MBP: variants seen among roughly 807,000 people sequenced by gnomAD.
MBP encodes myelin basic protein, also known as Golli-MBP.
MBP carries 16 observed loss-of-function variants against 35.8 expected under a neutral mutation model. The ratio of observed to expected loss-of-function variants is 0.45; its 90% CI spans 0.30 to 0.68. The LOEUF (loss-of-function observed/expected upper bound fraction) is 0.68, where lower values mean the gene tolerates loss of function less well. MBP is among the 30% of genes least tolerant of loss of function. MBP has a pLI of 0.08. For missense variants in MBP, 380 were observed against 404.7 expected, an observed-to-expected ratio of 0.94 and a Z score of 0.52; for synonymous variants, 143 against 159.6, an observed-to-expected ratio of 0.90 and a Z score of 0.78.
chr18:77,056,732 CT>C (rs1313705375), intron 3 of MBP, among the ~76,000 whole-genome samples: 3 of 152,222 alleles, frequency 2.0e-5, no homozygotes, highest in Non-Finnish European at 4.4e-5. Flanking sequence ...GCCTGTCTCA[CT>C]CTCCCTGGGG....
intron 2 of MBP, among the ~76,000 whole-genome samples, chr18:77,089,970 T>A (rs1975435653): frequency 1.3e-5 from 2 of 152,128 alleles, no homozygotes; most frequent in Non-Finnish European, 2.9e-5. Context: ...CACTCACAGA[T>A]CAGACAGTAC....
At chr18:76,993,722 T>G (rs1970104125) in intron 4 of MBP, among the ~76,000 whole-genome samples, 1 of 152,154 alleles carries the variant, frequency 6.6e-6, no homozygotes, top group Non-Finnish European at 1.5e-5. Context: ...GCTCCCATAC[T>G]CTTCACAGAA....
At chr18:76,999,005 C>T (rs1412925436) in intron 4 of MBP, among the ~76,000 whole-genome samples, 2 of 146,078 alleles carry the variant, frequency 1.4e-5, no homozygotes, top group East Asian at 2.0e-4. Context: ...GGTTTAAGAG[C>T]AGTGTTTTGG....
intron 1 of MBP, among the ~76,000 whole-genome samples, chr18:77,120,725 C>A (rs561093277): frequency 6.6e-6 from 1 of 152,120 alleles, no homozygotes; most frequent in African/African-American, 2.4e-5. Context: ...CGTTACCGAC[C>A]TTTGGAGCTG....
intron 4 of MBP, chr18:77,009,812 C>T (rs1971231331): frequency 2.0e-6 from 3 of 1,526,546 alleles, no homozygotes; most frequent in Non-Finnish European, 2.6e-6. Flanking sequence ...GCAGGTCACC[C>T]CTGGCCCCGA....
At chr18:77,004,092 CT>C (rs1003721832) in intron 4 of MBP, 3 of 152,248 alleles carry the variant, frequency 2.0e-5, no homozygotes, top group Non-Finnish European at 4.4e-5. Flanking sequence ...ACACATCCGA[CT>C]GTAAATGGTG....
chr18:77,025,872 G>A (rs1291639042), intron 3 of MBP, among the ~76,000 whole-genome samples: 3 of 152,106 alleles, frequency 2.0e-5, no homozygotes, highest in Non-Finnish European at 4.4e-5. Context: ...AGGACGGACA[G>A]GCCGAGGTTC....
intron 3 of MBP, among the ~76,000 whole-genome samples, chr18:77,035,660 A>AG (rs35111199): frequency 2.8e-4 from 43 of 151,622 alleles, no homozygotes; most frequent in South Asian, 8.4e-4. Flanking sequence ...CTGCAGGTGA[A>AG]GGGGGGGGGA....
At chr18:77,130,776 C>T (rs1386573741) in intron 1 of MBP, among the ~76,000 whole-genome samples, 3 of 151,354 alleles carry the variant, frequency 2.0e-5, no homozygotes, top group Admixed American at 6.6e-5. Flanking sequence ...TCAAACCCGA[C>T]GTTTTAAATC....
chr18:77,019,060 CCATCCATCCATCCATCCATCCATT>C (rs1394145930), intron 3 of MBP, among the ~76,000 whole-genome samples: 3 of 151,550 alleles, frequency 2.0e-5, no homozygotes, highest in Non-Finnish European at 4.4e-5. Context: ...ATCCATCCAT[CCATCCATCCATCCATCCATCCATT>C]ATTTATGAGT....
At chr18:76,998,640 G>A (rs1447550302) in intron 4 of MBP, among the ~76,000 whole-genome samples, 1 of 152,204 alleles carries the variant, frequency 6.6e-6, no homozygotes, top group African/African-American at 2.4e-5. Context: ...GCAGCACGCG[G>A]CATCGGGACA....
chr18:77,109,621 G>C (rs556422315), intron 1 of MBP: 2 of 152,344 alleles, frequency 1.3e-5, no homozygotes, highest in African/African-American at 2.4e-5. Flanking sequence ...AGTCTTCCTA[G>C]ATAGTTGGCA....
chr18:77,103,260 C>A (rs1481826827), intron 2 of MBP, among the ~76,000 whole-genome samples: 2 of 152,188 alleles, frequency 1.3e-5, no homozygotes, highest in Non-Finnish European at 2.9e-5. Flanking sequence ...TAAAAACGCA[C>A]TACAGACCTC....
intron 1 of MBP, among the ~76,000 whole-genome samples, chr18:77,111,246 A>G (rs1407624462): frequency 1.3e-5 from 2 of 152,164 alleles, no homozygotes; most frequent in African/African-American, 2.4e-5. Flanking sequence ...TGTATTTTGG[A>G]GGTGCCATGA....
chr18:77,071,663 C>T (rs1212908642), intron 2 of MBP, among the ~76,000 whole-genome samples: 1 of 152,176 alleles, frequency 6.6e-6, no homozygotes, highest in Non-Finnish European at 1.5e-5. Flanking sequence ...GTTCTGCATC[C>T]TCAGTACCTT....
rs1974196467 is a variant in MBP, at chr18:77,066,283, A to ATCTGC, written c.139+10_139+14dup. The ATCTGC allele has an allele frequency of 1.2e-6, 2 of 1,605,744 alleles. No homozygotes were observed. The highest frequency in any genetic ancestry group is 2.7e-5 in the African/African-American group (2 of 74,642). ...CACCATGTGGCGCCATGTTGCCGATATCTGCGTCACCTACCGAACACTTCG... is the reference window on the plus strand; with the variant it reads ...CACCATGTGGCGCCATGTTGCCGATATCTGCTCTGCGTCACCTACCGAACACTTCG... On this transcript the variant is annotated intron_variant, in intron 3 of 8. Coordinates refer to ENST00000355994, the MANE Select transcript of MBP (RefSeq NM_001025101.2).
chr18:76,986,026 G>A, intron 7 of MBP: 1 of 985,594 alleles, frequency 1.0e-6, no homozygotes. Context: ...GAACTCCACT[G>A]CAAACATGGG....
At position 76,988,985 on chromosome 18, in the gene MBP, C is replaced by T. The variant is rs752325142; in HGVS notation, c.682-73G>A. ...CCGTCCATTTCCTAACGGGCTCCTG[C>T]CTGCTGAGGGTGGCTAGCATCCATC... On this transcript the variant is annotated intron_variant, in intron 5 of 8. Transcript: ENST00000355994. The surrounding 1 kb of genome is among the most constrained non-coding windows in gnomAD (Gnocchi z 5.2). The T allele has an allele frequency of 1.4e-6, 2 of 1,446,284 alleles. No homozygotes were observed. The highest frequency in any genetic ancestry group is 1.9e-6 in the Non-Finnish European group (2 of 1,027,006). The allele number at this position is 1,446,284 out of a possible 1,614,324, so 89.6% of individuals were successfully genotyped here.
chr18:77,059,470 A>G (rs527468943), intron 3 of MBP, among the ~76,000 whole-genome samples: 247 of 117,144 alleles, frequency 2.1e-3, no homozygotes, highest in Non-Finnish European at 1.9e-3. Context: ...TTTATAAAGT[A>G]GTCACTAATT....
Sources: gnomAD v4.1 joint callset for allele counts (sites outside exome capture counted in the v4.1 genomes callset) on GRCh38, gnomAD v4.1.1 for gene constraint, Gnocchi (gnomAD v3.1) non-coding constraint, MANE v1.5 for transcripts, NCBI Gene and HGNC (gene_info 2026-07-23, HGNC 2026-07-21) for gene names.